ESR2: variants seen among roughly 807,000 people sequenced by gnomAD.
ESR2 encodes estrogen receptor beta.
In ESR2, 36 loss-of-function variants were observed where a neutral mutation model predicts 49.6. The observed-to-expected ratio is 0.73, with a 90% CI of 0.56 to 0.96. ESR2 has a LOEUF of 0.96. ESR2 is among the 40% of genes least tolerant of loss of function. The pLI is 0.00. For missense variants in ESR2, 714 were observed against 693.0 expected (o/e 1.03, Z -0.34); for synonymous variants, 320 against 266.1 (o/e 1.20, Z -1.97).
At chr14:64,238,717 A>C (rs185583493) in intron 7 of ESR2, among the ~76,000 whole-genome samples, 72 of 152,162 alleles carry the variant, frequency 4.7e-4, no homozygotes, top group Admixed American at 9.8e-4. Flanking sequence ...TGTAAAACAA[A>C]ATTAAATTAC....
chr14:64,227,405 C>G (rs1353775733), downstream of ESR2: 1 of 1,081,672 alleles, frequency 9.2e-7, no homozygotes, highest in African/African-American at 1.6e-5. Context: ...AACCACATAA[C>G]TAACTTCAAA....
intron 1 of ESR2, among the ~76,000 whole-genome samples, chr14:64,336,969 A>G (rs1029101742): frequency 6.6e-6 from 1 of 152,168 alleles, no homozygotes; most frequent in African/African-American, 2.4e-5. Context: ...AAATAGATGA[A>G]TCTCTAAAAC....
intron 7 of ESR2, among the ~76,000 whole-genome samples, chr14:64,242,338 C>T (rs1286203060): frequency 2.7e-5 from 4 of 150,588 alleles, no homozygotes; most frequent in Non-Finnish European, 5.9e-5. Flanking sequence ...ACCCAGCAGG[C>T]AGAGGTTGCG....
At chr14:64,234,865 T>C in intron 8 of ESR2, 105 bp downstream of exon 8, 1 of 1,529,934 alleles carries the variant, frequency 6.5e-7, no homozygotes, top group Non-Finnish European at 8.8e-7. Context: ...CTTTCAGGCA[T>C]TCATTTTCCT....
At chr14:64,320,717 A>C (rs987290166) in intron 1 of ESR2, among the ~76,000 whole-genome samples, 4 of 151,896 alleles carry the variant, frequency 2.6e-5, no homozygotes, top group Non-Finnish European at 2.9e-5. Context: ...ACATGGTGAA[A>C]TCCTGTCTCT....
chr14:64,329,479 T>C (rs2077428219), intron 1 of ESR2: 1 of 152,150 alleles, frequency 6.6e-6, no homozygotes, highest in Non-Finnish European at 1.5e-5. Flanking sequence ...GGAAAGGAAT[T>C]GGAAATAACT....
At chr14:64,305,540 G>A (rs940502281) in intron 1 of ESR2, among the ~76,000 whole-genome samples, 26 of 151,492 alleles carry the variant, frequency 1.7e-4, no homozygotes, top group Non-Finnish European at 2.7e-4. Flanking sequence ...GCGTGGTAGC[G>A]GACACCTGTA....
chr14:64,234,955 C>T lies in ESR2; in HGVS notation c.1406+15G>A, dbSNP rs1289213500. The T allele has an allele frequency of 5.0e-6, 8 of 1,612,650 alleles. No homozygotes were observed. The highest frequency in any genetic ancestry group is 5.1e-6 in the Non-Finnish European group (6 of 1,178,824). ...CATCCCAAGCCCAAGCAGAGCAGCT[C>T]CTTAGGGCGCGTACCTCGCATGCCT... On this transcript the variant is annotated intron_variant, in intron 8 of 8. Transcript: ENST00000341099.
intron 5 of ESR2, among the ~76,000 whole-genome samples, chr14:64,259,899 G>A (rs1248005719): frequency 6.6e-6 from 1 of 152,064 alleles, no homozygotes; most frequent in East Asian, 1.9e-4. Flanking sequence ...CTTTCAAGGT[G>A]AGGAATCCAC....
At chr14:64,233,610 CT>C in intron 8 of ESR2, 1 of 367,778 alleles carries the variant, frequency 2.7e-6, no homozygotes, top group African/African-American at 2.0e-5. Flanking sequence ...CGTAAAGTCA[CT>C]GTGAACACTG....
At chr14:64,235,869 C>T (rs1039144170) in intron 7 of ESR2, among the ~76,000 whole-genome samples, 3 of 152,194 alleles carry the variant, frequency 2.0e-5, no homozygotes, top group African/African-American at 7.2e-5. Flanking sequence ...TCCCCTCCAA[C>T]TCTAGGATTG....
At chr14:64,306,613 T>C (rs2077103059) in intron 1 of ESR2, among the ~76,000 whole-genome samples, 1 of 152,248 alleles carries the variant, frequency 6.6e-6, no homozygotes, top group Non-Finnish European at 1.5e-5. Flanking sequence ...TGAAGACTTA[T>C]ATGCCTGAAA....
intron 1 of ESR2, among the ~76,000 whole-genome samples, chr14:64,315,621 C>T (rs534082537): frequency 2.3e-4 from 34 of 150,560 alleles, no homozygotes; most frequent in South Asian, 1.1e-3. Flanking sequence ...ACTACAGGCA[C>T]GCACCACCAC....
chr14:64,243,157 T>C (rs2075774483), intron 7 of ESR2, among the ~76,000 whole-genome samples: 1 of 152,154 alleles, frequency 6.6e-6, no homozygotes, highest in Non-Finnish European at 1.5e-5. Context: ...TATTATTCCT[T>C]CCTCAAATGC....
At chr14:64,277,742 C>T (rs1057402672) in intron 3 of ESR2, among the ~76,000 whole-genome samples, 3 of 151,504 alleles carry the variant, frequency 2.0e-5, no homozygotes, top group Non-Finnish European at 4.4e-5. Context: ...CTGTAATGCA[C>T]TTATATCAAA....
intron 7 of ESR2, among the ~76,000 whole-genome samples, chr14:64,246,734 CAAAAAAAAAAAA>C (rs71123836): frequency 3.8e-4 from 14 of 36,434 alleles, no homozygotes; most frequent in East Asian, 1.2e-3. Context: ...AAGACTCTGT[CAAAAAAAAAAAA>C]AAAAAAAAAA....
intron 8 of ESR2, chr14:64,233,527 G>A: frequency 3.6e-6 from 2 of 563,296 alleles, no homozygotes; most frequent in East Asian, 5.7e-5. Context: ...GTCAGCCTCT[G>A]TGTCCCACCA....
intron 7 of ESR2, among the ~76,000 whole-genome samples, chr14:64,236,879 G>A (rs1367592934): frequency 7.9e-5 from 12 of 151,658 alleles, no homozygotes; most frequent in African/African-American, 2.9e-4. Context: ...CTGGATGTCT[G>A]CCTTGTCCCC....
chr14:64,254,446 A>C (rs576463347), intron 6 of ESR2, among the ~76,000 whole-genome samples: 1 of 152,148 alleles, frequency 6.6e-6, no homozygotes, highest in South Asian at 2.1e-4. Flanking sequence ...TTAATGTGTT[A>C]AAAATACTAG....
Sources: gnomAD v4.1 joint callset for allele counts (sites outside exome capture counted in the v4.1 genomes callset) on GRCh38, gnomAD v4.1.1 for gene constraint, MANE v1.5 for transcripts, NCBI Gene and HGNC (gene_info 2026-07-23, HGNC 2026-07-21) for gene names.